The following UBIAD1 variants were observed in gnomAD, a reference collection of about 807,000 sequenced individuals.
The protein encoded by UBIAD1 is ubiA prenyltransferase domain-containing protein 1.
A neutral mutation model predicts 20.1 loss-of-function variants in UBIAD1; 12 were observed. The observed-to-expected ratio is 0.60, with a 90% confidence interval of 0.38 to 0.97. The LOEUF (loss-of-function observed/expected upper bound fraction) is 0.97, where lower values mean the gene tolerates loss of function less well. Ranked by LOEUF, UBIAD1 falls within the 50% of genes least tolerant of loss-of-function variation. The pLI is 0.00. For synonymous variants in UBIAD1, 207 were observed against 189.2 expected (o/e 1.09, Z -0.77); for missense variants, 333 against 419.5 (o/e 0.79, Z 1.80).
intron 1 of UBIAD1, chr1:11,278,620 G>T: frequency 2.8e-6 from 4 of 1,433,536 alleles, no homozygotes; most frequent in Non-Finnish European, 3.7e-6. Flanking sequence ...ATTAATTGTT[G>T]TATGTTTGTC....
chr1:11,289,408 A>G (rs1326979130), downstream of UBIAD1, among the ~76,000 whole-genome samples: 1 of 152,210 alleles, frequency 6.6e-6, no homozygotes, highest in African/African-American at 2.4e-5. Context: ...GTCAAAAGAA[A>G]AATGTAGTGT....
In UBIAD1 at chr1:11,285,164, A is replaced by G. The variant is rs193168309; in HGVS notation, c.530-480A>G. ...ACTGAAATTCACTGGCCGTTTTTAA[A>G]ACCAGAAGATGCCTTGAGATTGTAG... On this transcript the variant is annotated intron_variant, in intron 1 of 1. Coordinates refer to ENST00000376810, the MANE Select transcript of UBIAD1 (RefSeq NM_013319.3). The surrounding 1 kb of genome is among the most constrained non-coding windows in gnomAD (Gnocchi z 4.4). 2.6e-5 allele frequency among the ~76,000 whole-genome samples: 4 copies of G among 152,284 alleles called. No homozygotes were observed. Among genetic ancestry groups the G allele is most frequent in the African/African-American group, 9.6e-5 (4 of 41,556 alleles).
Position 11,274,003 on chromosome 1 carries a change from G to A in UBIAD1, c.472G>A (p.Glu158Lys), listed in dbSNP as rs1409497672. ...CTACTACCTGTCCCCTCTGAAACTG[G>A]AGCACTTGGCTCTTATCTACTTTGG... ...CLYYLSPLKLEHLALIYFGGL... is the reference protein window; with the variant it reads ...CLYYLSPLKLKHLALIYFGGL... The change falls in exon 1 of 2, where the codon GAG becomes AAG. Residue 158 changes from glutamate to lysine, a missense_variant. By Grantham distance (56) the Glu-to-Lys change is moderately conservative (BLOSUM62 1). Coordinates refer to ENST00000376810, the MANE Select transcript of UBIAD1 (RefSeq NM_013319.3). 1 of 1,614,174 alleles carries A rather than the reference G, an allele frequency of 6.2e-7. No homozygotes were observed. The highest frequency in any genetic ancestry group is 2.2e-5 in the East Asian group (1 of 44,878).
chr1:11,289,225 G>A (rs1447158298), downstream of UBIAD1, among the ~76,000 whole-genome samples: 1 of 152,216 alleles, frequency 6.6e-6, no homozygotes, highest in Non-Finnish European at 1.5e-5. Context: ...AGCTGGGAAG[G>A]AGCCCTTAGT....
chr1:11,274,124 G>A, intron 1 of UBIAD1, 64 bp downstream of exon 1: 16 of 1,597,440 alleles, frequency 1.0e-5, no homozygotes, highest in Non-Finnish European at 1.4e-5. Flanking sequence ...CCGCTGCTTT[G>A]TAAAGGAGTT....
chr1:11,299,172 C>T (rs1638493254), downstream of UBIAD1, among the ~76,000 whole-genome samples: 1 of 152,222 alleles, frequency 6.6e-6, no homozygotes, highest in Non-Finnish European at 1.5e-5. Context: ...ATACTCATTC[C>T]CTTGTTTCTC....
intron 1 of UBIAD1, among the ~76,000 whole-genome samples, chr1:11,293,972 C>T (rs1569912572): frequency 6.6e-6 from 1 of 152,142 alleles, no homozygotes; most frequent in East Asian, 1.9e-4. Flanking sequence ...TGTGCCTGGC[C>T]CCATGGCAGT....
chr1:11,277,317 C>T (rs1652071537), intron 1 of UBIAD1, among the ~76,000 whole-genome samples: 1 of 137,802 alleles, frequency 7.3e-6, no homozygotes, highest in Non-Finnish European at 1.5e-5. Flanking sequence ...TTTAATTTAA[C>T]GGAGTCTTGC....
intron 1 of UBIAD1, among the ~76,000 whole-genome samples, chr1:11,282,586 A>G (rs1440514864): frequency 6.8e-6 from 1 of 145,986 alleles, no homozygotes; most frequent in Non-Finnish European, 1.5e-5. Context: ...TTCAAAAGAC[A>G]GAGTTTAGCT....
rs553535326 is a variant in UBIAD1, at chr1:11,280,960, T to C, written c.530-4684T>C. On this transcript the variant is annotated intron_variant, in intron 1 of 1. Coordinates refer to ENST00000376810, the MANE Select transcript of UBIAD1 (RefSeq NM_013319.3). ...GGCCAGGGTCTTTACAGTGACTCCC[T>C]AGGGCCCTACATTCTTTGCCCACCT... Among the ~76,000 whole-genome samples the C allele has an allele frequency of 9.9e-5, 15 of 152,188 alleles. No individual in the cohort carries two copies. The East Asian group carries it at 1.2e-3, about 12-fold the overall frequency.
intron 1 of UBIAD1, among the ~76,000 whole-genome samples, chr1:11,274,281 C>T (rs1424215412): frequency 6.6e-6 from 1 of 152,156 alleles, no homozygotes; most frequent in African/African-American, 2.4e-5. Context: ...TTTATATGGA[C>T]ATTTATTTTT....
downstream of UBIAD1, among the ~76,000 whole-genome samples, chr1:11,298,613 T>G (rs1557526000): frequency 6.9e-6 from 1 of 145,406 alleles, no homozygotes; most frequent in Non-Finnish European, 1.5e-5. The surrounding 1 kb of genome is among the most constrained non-coding windows in gnomAD (Gnocchi z 4.0). Flanking sequence ...AATAAAAGTT[T>G]CCCATGTGCA....
exon 2 of UBIAD1, chr1:11,295,111 G>A (rs921596419): frequency 1.7e-6 from 1 of 595,330 alleles, no homozygotes; most frequent in Non-Finnish European, 3.0e-6. Context: ...GCTGTGTGGA[G>A]GGAGAGGAAG....
At chr1:11,284,973 A>C (rs1638229592) in intron 1 of UBIAD1, among the ~76,000 whole-genome samples, 2 of 152,130 alleles carry the variant, frequency 1.3e-5, no homozygotes, top group African/African-American at 4.8e-5. Flanking sequence ...TTTTGAAGGA[A>C]GTGGGTTAGA....
rs1341069406 is a variant in UBIAD1, at chr1:11,285,462, C to T, written c.530-182C>T. ...GCCTCACTGGGCATTCTCTCTGCACCTGTGGCATTGGAGAAGAAATCAGAA... is the reference window on the plus strand; with the variant it reads ...GCCTCACTGGGCATTCTCTCTGCACTTGTGGCATTGGAGAAGAAATCAGAA... On this transcript the variant is annotated intron_variant, in intron 1 of 1. Coordinates refer to ENST00000376810, the MANE Select transcript of UBIAD1 (RefSeq NM_013319.3). This position sits in a 1 kb window ranked among gnomAD's most constrained non-coding sequence, Gnocchi z 4.4. Among the ~76,000 whole-genome samples the T allele has an allele frequency of 2.0e-5, 3 of 152,132 alleles. No individual in the cohort carries two copies. The highest frequency in any genetic ancestry group is 4.4e-5 in the Non-Finnish European group (3 of 68,028).
intron 1 of UBIAD1, among the ~76,000 whole-genome samples, chr1:11,276,064 G>A (rs1321829871): frequency 6.6e-6 from 1 of 152,182 alleles, no homozygotes; most frequent in Admixed American, 6.6e-5. Flanking sequence ...AGGGAGTGAT[G>A]TAATATAATG....
At chr1:11,276,761 G>A (rs1463849881) in intron 1 of UBIAD1, among the ~76,000 whole-genome samples, 1 of 143,660 alleles carries the variant, frequency 7.0e-6, no homozygotes, top group African/African-American at 2.7e-5. Context: ...TGCATAGTTT[G>A]TTAAAAAAAA....
Position 11,273,976 on chromosome 1 carries a change from C to T in UBIAD1, c.445C>T (p.Leu149Phe). ...GTTGGGCTGCGTCTGTGCCGCTTGC[C>T]TCTACTACCTGTCCCCTCTGAAACT... Reference protein sequence around the residue: ...YTLGCVCAACLYYLSPLKLEH... With the variant: ...YTLGCVCAACFYYLSPLKLEH... The change falls in exon 1 of 2, where the codon CTC (leucine) becomes TTC (phenylalanine). Residue 149 changes from leucine to phenylalanine, a missense_variant. This residue lies in a region of UBIAD1 where 226 missense variants were observed against 263.5 expected (regional missense o/e 0.86). Coordinates refer to ENST00000376810, the MANE Select transcript of UBIAD1 (RefSeq NM_013319.3). This position sits in a 1 kb window ranked among gnomAD's most constrained non-coding sequence, Gnocchi z 4.9. 6.2e-7 allele frequency: 1 copy of T among 1,614,224 alleles called. No individual in the cohort carries two copies. Among genetic ancestry groups the T allele is most frequent in the Non-Finnish European group, 8.5e-7 (1 of 1,180,030 alleles).
At chr1:11,274,823 T>C (rs1001533970) in intron 1 of UBIAD1, among the ~76,000 whole-genome samples, 3 of 152,152 alleles carry the variant, frequency 2.0e-5, no homozygotes, top group Non-Finnish European at 4.4e-5. Context: ...TTGGCCAGGC[T>C]GGTCTTGAAC....
Sources: gnomAD v4.1 joint callset for allele counts (sites outside exome capture counted in the v4.1 genomes callset) on GRCh38, gnomAD v4.1.1 for gene constraint, gnomAD v4.1.1 regional missense constraint, Gnocchi (gnomAD v3.1) non-coding constraint, MANE v1.5 for transcripts, NCBI Gene and HGNC (gene_info 2026-07-23, HGNC 2026-07-21) for gene names.